DSE: variants seen among roughly 807,000 people sequenced by gnomAD.
DSE encodes dermatan-sulfate epimerase.
Under a neutral mutation model 84.4 loss-of-function variants are expected in DSE, and 36 were observed. The ratio of observed to expected loss-of-function variants is 0.43; its 90% CI spans 0.33 to 0.56. DSE has a LOEUF of 0.56. Ranked by LOEUF, DSE falls within the 20% of genes least tolerant of loss-of-function variation. The pLI is 0.06. For missense variants in DSE, 862 were observed against 1,169.6 expected, an observed-to-expected ratio of 0.74 and a Z score of 3.84; for synonymous variants, 410 against 430.1, an observed-to-expected ratio of 0.95 and a Z score of 0.58.
intron 2 of DSE, chr6:116,399,882 A>G (rs1781489619): frequency 3.6e-6 from 2 of 550,754 alleles, no homozygotes; most frequent in Non-Finnish European, 6.4e-6. Flanking sequence ...AAATATTTAG[A>G]TGCAGCCTAA....
chr6:116,318,596 C>T (rs190891943), intron 2 of DSE, among the ~76,000 whole-genome samples: 4 of 152,204 alleles, frequency 2.6e-5, no homozygotes, highest in Admixed American at 2.6e-4. Flanking sequence ...GCAAAACTAG[C>T]AACTTTACAA....
intron 2 of DSE, among the ~76,000 whole-genome samples, chr6:116,291,682 T>C (rs915357100): frequency 1.3e-5 from 2 of 152,058 alleles, no homozygotes; most frequent in African/African-American, 2.4e-5. Context: ...CAGAAAATAA[T>C]ATTAATTGCC....
chr6:116,417,367 A>G (rs1004346739), intron 2 of DSE, among the ~76,000 whole-genome samples: 1 of 152,026 alleles, frequency 6.6e-6, no homozygotes, highest in African/African-American at 2.4e-5. Context: ...TAACAGTACT[A>G]CTCTACATTT....
chr6:116,429,814 T>C lies in DSE; in HGVS notation c.671-1140T>C, dbSNP rs1483692292. 9.2e-5 allele frequency among the ~76,000 whole-genome samples: 6 copies of C among 65,492 alleles called. 3 individuals carry two copies. The highest frequency in any genetic ancestry group is 1.8e-4 in the Non-Finnish European group (6 of 32,674). 43.0% of individuals were successfully genotyped at this position (65,492 alleles called of 152,430 possible). A position where few individuals can be genotyped will look rare whatever the true frequency, so the allele number is the denominator to read the frequency against. On this transcript the variant is annotated intron_variant, in intron 3 of 5. Coordinates refer to ENST00000644252, the MANE Select transcript of DSE (RefSeq NM_013352.4). ...ATACAAAAAAAAAATTAGCCGGGCG[T>C]GATGGCGGGCGCCTGCAGTCCCAGC...
chr6:116,340,823 CT>C (rs1018644077), intron 2 of DSE, among the ~76,000 whole-genome samples: 4 of 152,110 alleles, frequency 2.6e-5, no homozygotes, highest in African/African-American at 9.7e-5. Context: ...TGAACTCATC[CT>C]TTTTTATGGC....
chr6:116,395,663 TA>T (rs1296663012), intron 1 of DSE, among the ~76,000 whole-genome samples: 1 of 152,246 alleles, frequency 6.6e-6, no homozygotes, highest in Non-Finnish European at 1.5e-5. Context: ...TAGTTTTTCA[TA>T]ATGCACATTA....
intron 2 of DSE, among the ~76,000 whole-genome samples, chr6:116,408,236 A>G (rs962738335): frequency 8.5e-5 from 13 of 152,164 alleles, no homozygotes; most frequent in Non-Finnish European, 1.6e-4. Context: ...TCCAGATTCC[A>G]TCTTCTATAC....
chr6:116,377,738 A>G (rs532237004), intron 1 of DSE, among the ~76,000 whole-genome samples: 64 of 152,300 alleles, frequency 4.2e-4, no homozygotes, highest in African/African-American at 1.4e-3. Context: ...ACCAAGGTGC[A>G]CTCAATATCC....
At chr6:116,269,018 T>TA (rs5879368) in intron 2 of DSE, among the ~76,000 whole-genome samples, 35,186 of 145,770 alleles carry the variant, frequency 0.24, 5,571 homozygotes, top group East Asian at 0.64. Flanking sequence ...GATAATACTT[T>TA]AAAAAAAAAA....
intron 2 of DSE, among the ~76,000 whole-genome samples, chr6:116,330,253 G>A (rs1184735508): frequency 6.6e-6 from 1 of 152,106 alleles, no homozygotes; most frequent in Non-Finnish European, 1.5e-5. Context: ...TTCACTGCCT[G>A]CATTTCTTTT....
intron 1 of DSE, among the ~76,000 whole-genome samples, chr6:116,396,939 A>T (rs968160221): frequency 1.3e-5 from 2 of 152,180 alleles, no homozygotes; most frequent in East Asian, 3.9e-4. Flanking sequence ...TCTAGTTTCC[A>T]TGTATTAATG....
chr6:116,381,424 G>C (rs1039942413), intron 1 of DSE, among the ~76,000 whole-genome samples: 17 of 152,102 alleles, frequency 1.1e-4, no homozygotes, highest in Admixed American at 1.1e-3. Flanking sequence ...GGAAATACAG[G>C]CTCTTGAGTA....
rs145117098 is a variant in DSE, at chr6:116,401,556, A to G, written c.416+1890A>G. ...TGGCTTAGAAAGTTGAGCTACTTGA[A>G]CATTTTGTTTTGGCAGGTACTATTA... is the stretch of plus-strand genomic sequence containing the variant. On this transcript the variant is annotated intron_variant, in intron 2 of 5. Transcript: ENST00000644252. Among the ~76,000 whole-genome samples, 18 of 152,250 alleles carry G rather than the reference A, an allele frequency of 1.2e-4. No individual in the cohort carries two copies. The East Asian group carries it at 3.3e-3, about 28-fold the overall frequency.
In DSE at chr6:116,308,938, A is replaced by T. The variant is rs144325529; in HGVS notation, c.-54+49971A>T. Among the ~76,000 whole-genome samples, 3 of 152,330 alleles carry T rather than the reference A, an allele frequency of 2.0e-5. No individual in the cohort carries two copies. In the East Asian group the frequency reaches 5.8e-4, roughly 29 times the overall value. The stretch of plus-strand genomic sequence containing the variant: ...AAAAACGGTATATAAATTATGAGTT[A>T]CCGTGCCTTGAGCATAATAGATACT... On this transcript the variant is annotated intron_variant, in intron 2 of 3. Coordinates refer to the DSE transcript ENST00000430252.
At chr6:116,389,855 T>C (rs1780785181) in intron 1 of DSE, among the ~76,000 whole-genome samples, 1 of 152,138 alleles carries the variant, frequency 6.6e-6, no homozygotes. Context: ...AAATTTTCTT[T>C]AGTGGCCAAG....
At chr6:116,255,891 T>G (rs1172952564) in intron 1 of DSE, 1 of 152,238 alleles carries the variant, frequency 6.6e-6, no homozygotes, top group African/African-American at 2.4e-5. Flanking sequence ...TCTTTTTGTG[T>G]GTGCCAAAGT....
At chr6:116,317,481 C>A (rs1029603632) in intron 2 of DSE, among the ~76,000 whole-genome samples, 10 of 152,200 alleles carry the variant, frequency 6.6e-5, no homozygotes, top group African/African-American at 2.4e-4. Flanking sequence ...TGGTTATTAT[C>A]AGTCTTGTGC....
chr6:116,316,213 C>A (rs917107930), intron 2 of DSE, among the ~76,000 whole-genome samples: 4 of 151,980 alleles, frequency 2.6e-5, no homozygotes, highest in Non-Finnish European at 4.4e-5. Flanking sequence ...CAGATTGAAC[C>A]TTTTGTTTAA....
Position 116,350,152 on chromosome 6 carries a change from C to G in DSE, c.-53-49046C>G, listed in dbSNP as rs1024788375. Reference sequence around the variant, plus strand: ...TTTAAATTTTATATCTTGCTTTTTTCTATGTCAAAATGATTTATCTCATAA... The same window carrying G: ...TTTAAATTTTATATCTTGCTTTTTTGTATGTCAAAATGATTTATCTCATAA... On this transcript the variant is annotated intron_variant, in intron 2 of 3. Transcript: ENST00000430252. 2.0e-5 allele frequency among the ~76,000 whole-genome samples: 3 copies of G among 152,044 alleles called. No homozygotes were observed. In the East Asian group the frequency reaches 5.8e-4, roughly 29 times the overall value.
Sources: gnomAD v4.1 joint callset for allele counts (sites outside exome capture counted in the v4.1 genomes callset) on GRCh38, gnomAD v4.1.1 for gene constraint, MANE v1.5 for transcripts, NCBI Gene and HGNC (gene_info 2026-07-23, HGNC 2026-07-21) for gene names.